Variants in NUP85 observed in about 807,000 individuals in gnomAD.
NUP85 encodes nucleoporin 85.
A neutral mutation model predicts 92.8 loss-of-function variants in NUP85; 23 were observed. The ratio of observed to expected loss-of-function variants is 0.25; its 90% CI spans 0.18 to 0.35. The LOEUF is 0.35. Among genes scored for constraint, NUP85 ranks in the 10% least tolerant of loss-of-function variants. NUP85 has a pLI of 1.00. For synonymous variants in NUP85, 314 were observed against 306.9 expected, an observed-to-expected ratio of 1.02 and a Z score of -0.24; for missense variants, 759 against 822.8, an observed-to-expected ratio of 0.92 and a Z score of 0.95.
chr17:75,234,904 A>G (rs780475181), intron 17 of NUP85, 116 bp downstream of exon 17: 26 of 1,312,436 alleles, frequency 2.0e-5, no homozygotes, highest in Non-Finnish European at 2.9e-5. Flanking sequence ...GTGCGCGTGT[A>G]TTCCCCTTAG....
intron 11 of NUP85, among the ~76,000 whole-genome samples, chr17:75,230,044 A>AT (rs3082648): frequency 0.049 from 6,941 of 140,244 alleles, 521 homozygotes; most frequent in African/African-American, 0.16. Context: ...GGTGTACAAA[A>AT]TTTTTTTTTT....
In NUP85 at chr17:75,231,820, C is replaced by CT; in HGVS notation, c.1245-5dup. The CT allele has an allele frequency of 6.2e-7, 1 of 1,613,952 alleles. No homozygotes were observed. The highest frequency in any genetic ancestry group is 1.1e-5 in the South Asian group (1 of 91,034). On this transcript the variant is annotated splice_region_variant and splice_polypyrimidine_tract_variant and intron_variant, in intron 13 of 18. Transcript: ENST00000245544. The surrounding 1 kb of genome is among the most constrained non-coding windows in gnomAD (Gnocchi z 4.6). ...CACCTCATGTCTGTCCTCCTCGAAC[C>CT]TTTGCAGCCTGTGGCAGCTGGGGGT... is the stretch of plus-strand genomic sequence containing the variant.
chr17:75,211,872 C>G, intron 3 of NUP85, 120 bp from the exon 4 acceptor site: 3 of 742,972 alleles, frequency 4.0e-6, no homozygotes, highest in Non-Finnish European at 6.9e-6. Flanking sequence ...GTTAGGAGCT[C>G]CTTCACAACG....
intron 4 of NUP85, 110 bp downstream of exon 4, chr17:75,212,172 T>C: frequency 1.7e-6 from 1 of 597,992 alleles, no homozygotes; most frequent in Non-Finnish European, 2.7e-6. Context: ...GATATTCCAG[T>C]CCAAAACTTA....
At chr17:75,218,589 T>TTTTTTG (rs1555662317) in intron 7 of NUP85, among the ~76,000 whole-genome samples, 4 of 3,050 alleles carry the variant, frequency 1.3e-3, no homozygotes, top group African/African-American at 2.8e-3. Context: ...TACAAAACCG[T>TTTTTTG]TTTTTTTTTT....
At chr17:75,220,705 C>A (rs2075572294) in intron 7 of NUP85, among the ~76,000 whole-genome samples, 1 of 151,328 alleles carries the variant, frequency 6.6e-6, no homozygotes, top group Admixed American at 6.6e-5. Flanking sequence ...CTGTCTCAGT[C>A]TACCAAGTAG....
intron 10 of NUP85, 33 bp from the exon 11 acceptor site, chr17:75,226,018 C>T: frequency 6.2e-7 from 1 of 1,611,516 alleles, no homozygotes; most frequent in South Asian, 1.1e-5. Context: ...TGCTTCCGTC[C>T]TCAGGATTGA....
intron 7 of NUP85, among the ~76,000 whole-genome samples, chr17:75,218,908 T>G (rs927397036): frequency 4.8e-4 from 73 of 152,142 alleles, no homozygotes; most frequent in Admixed American, 4.8e-3. Flanking sequence ...CCACCATGCC[T>G]GGGTAATGAT....
At chr17:75,211,621 AC>A (rs1156861561) in intron 3 of NUP85, among the ~76,000 whole-genome samples, 1 of 149,542 alleles carries the variant, frequency 6.7e-6, no homozygotes, top group Non-Finnish European at 1.5e-5. Flanking sequence ...GGTCTCAAAC[AC>A]CTGACCTCAG....
chr17:75,222,666 A>G (rs921973584), intron 7 of NUP85, among the ~76,000 whole-genome samples: 1 of 152,014 alleles, frequency 6.6e-6, no homozygotes, highest in African/African-American at 2.4e-5. Context: ...CAACCAATCA[A>G]TATATAACCG....
intron 11 of NUP85, chr17:75,228,184 CAGA>C (rs1038772249): frequency 7.6e-5 from 75 of 985,204 alleles, no homozygotes; most frequent in South Asian, 6.6e-4. Flanking sequence ...CAGATTTGAG[CAGA>C]AGAAGTCTGT....
chr17:75,228,454 G>C (rs1568088225), intron 11 of NUP85: 1 of 985,252 alleles, frequency 1.0e-6, no homozygotes, highest in East Asian at 1.1e-4. Context: ...TTTGAAAGAG[G>C]AACAGAAAAG....
chr17:75,230,360 TTG>T (rs1247336043), intron 11 of NUP85, among the ~76,000 whole-genome samples: 1 of 11,802 alleles, frequency 8.5e-5, no homozygotes, highest in African/African-American at 1.2e-4. Flanking sequence ...AACATGTTTT[TTG>T]TTTTTTTTTT....
At chr17:75,223,288 A>T (rs1386116919) in intron 7 of NUP85, among the ~76,000 whole-genome samples, 1 of 152,220 alleles carries the variant, frequency 6.6e-6, no homozygotes, top group Non-Finnish European at 1.5e-5. Context: ...AAGTACCACA[A>T]ATACTGATTT....
At chr17:75,228,998 C>G (rs1421858804) in intron 11 of NUP85, 1 of 985,372 alleles carries the variant, frequency 1.0e-6, no homozygotes, top group Non-Finnish European at 1.2e-6. Context: ...TGGCTTACAG[C>G]TTCCTCTGAA....
rs747119283 is a variant in NUP85, at chr17:75,209,963, A to G, written c.268A>G (p.Thr90Ala). The change falls in exon 3 of 19, where the codon ACT becomes GCT. Residue 90 changes from threonine to alanine, a missense_variant. Thr to Ala is a moderately conservative substitution (Grantham distance 58). Transcript: ENST00000245544. ...CCTCCAGAGAATTGACGAAGAGTTG[A>G]CTGGAAAATCCAGAAAATCTCAGTA... ...LGLQRIDEEL[T>A]GKSRKSQLVR... 33 of 1,587,746 alleles carry G rather than the reference A, an allele frequency of 2.1e-5. No individual in the cohort carries two copies. Among genetic ancestry groups the G allele is most frequent in the African/African-American group, 2.7e-5 (2 of 72,754 alleles).
intron 1 of NUP85, chr17:75,208,019 C>T (rs887496361): frequency 6.6e-6 from 1 of 152,496 alleles, no homozygotes; most frequent in African/African-American, 2.4e-5. Flanking sequence ...CTTAGCCTCC[C>T]AAAGTGCTGG....
Position 75,235,616 on chromosome 17 carries a change from A to G in NUP85, c.1908A>G (p.Arg636=). ...AGACCACCAAGGTGGAAATGCTGAG[A>G]CTTTCTCTGGCACGAAATCTTGCTC... The part of the protein sequence containing the change: ...DIETTKVEML[R]LSLARNLARA... The change falls in exon 19 of 19, where the codon AGA becomes AGG. Residue 636 remains arginine, a synonymous_variant. Transcript: ENST00000245544. 2 of 1,614,162 alleles carry G rather than the reference A, an allele frequency of 1.2e-6. No individual in the cohort carries two copies. Among genetic ancestry groups the G allele is most frequent in the Non-Finnish European group, 1.7e-6 (2 of 1,179,978 alleles).
chr17:75,219,914 G>A (rs2075547247), intron 7 of NUP85, among the ~76,000 whole-genome samples: 1 of 152,092 alleles, frequency 6.6e-6, no homozygotes, highest in Admixed American at 6.6e-5. Context: ...GGGTGGGGCA[G>A]GAGGGGCTGT....
Sources: gnomAD v4.1 joint callset for allele counts (sites outside exome capture counted in the v4.1 genomes callset) on GRCh38, gnomAD v4.1.1 for gene constraint, Gnocchi (gnomAD v3.1) non-coding constraint, MANE v1.5 for transcripts, NCBI Gene and HGNC (gene_info 2026-07-23, HGNC 2026-07-21) for gene names.